GPHN: variants seen among roughly 807,000 people sequenced by gnomAD.
GPHN encodes gephyrin.
Under a neutral mutation model 95.5 loss-of-function variants are expected in GPHN, and 17 were observed. The ratio of observed to expected loss-of-function variants is 0.18; its 90% CI spans 0.12 to 0.27. The LOEUF (loss-of-function observed/expected upper bound fraction) is 0.27. Among genes scored for constraint, GPHN ranks in the 10% least tolerant of loss-of-function variants. GPHN has a pLI of 1.00. For synonymous variants in GPHN, 320 were observed against 322.5 expected (o/e 0.99, Z 0.08); for missense variants, 660 against 978.1 (o/e 0.67, Z 4.34).
At chr14:67,459,089 C>T in the GPHN span, among the ~76,000 whole-genome samples, 2 of 152,212 alleles carry the variant, frequency 1.3e-5, no homozygotes, top group Admixed American at 1.3e-4. Context: ...GGGGTTTTGC[C>T]ATGTTGGCCA....
the GPHN span, among the ~76,000 whole-genome samples, chr14:67,712,155 C>T: frequency 2.6e-5 from 4 of 151,778 alleles, no homozygotes; most frequent in East Asian, 1.9e-4. Context: ...CCTGACCTCA[C>T]GTGATCCACA....
the GPHN span, among the ~76,000 whole-genome samples, chr14:67,427,438 G>A: frequency 6.6e-6 from 1 of 152,170 alleles, no homozygotes; most frequent in Non-Finnish European, 1.5e-5. Flanking sequence ...CGGGCCCTGG[G>A]TTCCAACGCG....
At position 66,860,681 on chromosome 14, in the gene GPHN, C is replaced by T. The variant is rs370462041; in HGVS notation, c.295-19258C>T. Among the ~76,000 whole-genome samples, 70 of 151,948 alleles carry T rather than the reference C, an allele frequency of 4.6e-4. No homozygotes were observed. In the East Asian group the frequency reaches 7.8e-3, roughly 17 times the overall value. ...AACGAATCAACGATAATAACCGCAA[C>T]AACTTTTCAAGACGTAATAAGACAT... On this transcript the variant is annotated intron_variant, in intron 4 of 22. Transcript: ENST00000478722.
At chr14:67,564,258 C>G in the GPHN span, among the ~76,000 whole-genome samples, 1 of 152,082 alleles carries the variant, frequency 6.6e-6, no homozygotes, top group Non-Finnish European at 1.5e-5. Context: ...CTGCCTAGGC[C>G]TCTCAATGTG....
chr14:66,837,361 G>A (rs758762357), intron 4 of GPHN, among the ~76,000 whole-genome samples: 13 of 145,524 alleles, frequency 8.9e-5, no homozygotes, highest in South Asian at 6.5e-4. Context: ...ACCAAACACC[G>A]CATGTTCTCA....
At chr14:66,854,726 T>G (rs761628464) in intron 4 of GPHN, among the ~76,000 whole-genome samples, 1 of 152,214 alleles carries the variant, frequency 6.6e-6, no homozygotes, top group African/African-American at 2.4e-5. Flanking sequence ...TATTGAGATA[T>G]AATTCACATA....
intron 3 of GPHN, among the ~76,000 whole-genome samples, chr14:66,804,091 A>G (rs2060457918): frequency 6.6e-6 from 1 of 152,138 alleles, no homozygotes; most frequent in Non-Finnish European, 1.5e-5. Context: ...TGTTATATGT[A>G]AAAGACTCAT....
the GPHN span, among the ~76,000 whole-genome samples, chr14:67,310,963 G>A: frequency 6.6e-6 from 1 of 152,074 alleles, no homozygotes. Flanking sequence ...CCCCTTTTGG[G>A]GTAGACTGGT....
At chr14:67,608,280 G>A in the GPHN span, among the ~76,000 whole-genome samples, 2 of 152,030 alleles carry the variant, frequency 1.3e-5, no homozygotes, top group African/African-American at 4.8e-5. Flanking sequence ...TACTGAACTC[G>A]CGTAGACTTT....
chr14:67,302,563 G>T, the GPHN span: 2 of 1,509,332 alleles, frequency 1.3e-6, no homozygotes, highest in South Asian at 2.8e-5. Flanking sequence ...TGAGGTTTTT[G>T]ACTTGTTGGT....
the GPHN span, chr14:67,279,224 A>G: frequency 6.2e-7 from 1 of 1,612,642 alleles, no homozygotes; most frequent in Non-Finnish European, 8.5e-7. Context: ...ACAGCGAAGT[A>G]AAAAATGTTG....
At chr14:67,121,420 A>G (rs2079004691) in intron 16 of GPHN, among the ~76,000 whole-genome samples, 2 of 152,162 alleles carry the variant, frequency 1.3e-5, no homozygotes, top group Non-Finnish European at 2.9e-5. Flanking sequence ...TTTATTGTAC[A>G]TTTATCTGCA....
At chr14:66,945,734 G>A (rs965837534) in intron 8 of GPHN, among the ~76,000 whole-genome samples, 1 of 152,162 alleles carries the variant, frequency 6.6e-6, no homozygotes, top group Admixed American at 6.5e-5. Flanking sequence ...TTTTAAAAAG[G>A]TAAAAGAAAG....
the GPHN span, among the ~76,000 whole-genome samples, chr14:67,395,786 TC>T: frequency 9.2e-5 from 14 of 152,290 alleles, no homozygotes; most frequent in Admixed American, 2.0e-4. Flanking sequence ...CTGCAGCCTT[TC>T]CCTTGTGGAC....
chr14:67,153,802 C>G (rs1377206695), intron 18 of GPHN, among the ~76,000 whole-genome samples: 3 of 152,100 alleles, frequency 2.0e-5, no homozygotes, highest in African/African-American at 7.2e-5. Context: ...ATTCATTTTT[C>G]TTCTTCTCAT....
the GPHN span, among the ~76,000 whole-genome samples, chr14:67,238,792 C>T: frequency 1.9e-4 from 29 of 152,116 alleles, 1 homozygote; most frequent in African/African-American, 7.0e-4. Context: ...TATAAGCACA[C>T]ACCATCATGC....
chr14:67,152,324 CATT>C (rs548520711), intron 18 of GPHN, among the ~76,000 whole-genome samples: 133 of 152,240 alleles, frequency 8.7e-4, no homozygotes, highest in African/African-American at 3.0e-3. Context: ...TTCACTATAT[CATT>C]ATGATTTTTC....
the GPHN span, chr14:67,695,652 ACAGAAGGAAGGG>A: frequency 1.2e-6 from 2 of 1,614,168 alleles, no homozygotes; most frequent in South Asian, 2.2e-5. Context: ...GCAGCCATAT[ACAGAAGGAAGGG>A]CAGAAGGAGG....
At chr14:66,671,169 C>T (rs1186692241) in intron 1 of GPHN, among the ~76,000 whole-genome samples, 1 of 152,142 alleles carries the variant, frequency 6.6e-6, no homozygotes, top group Non-Finnish European at 1.5e-5. Context: ...TAATCTTGAT[C>T]CATTATCTTG....
Sources: gnomAD v4.1 joint callset for allele counts (sites outside exome capture counted in the v4.1 genomes callset) on GRCh38, gnomAD v4.1.1 for gene constraint, MANE v1.5 for transcripts, NCBI Gene and HGNC (gene_info 2026-07-23, HGNC 2026-07-21) for gene names.